Variants in CYTIP observed in about 807,000 individuals in gnomAD.
The protein encoded by CYTIP is cytohesin-interacting protein.
A neutral mutation model predicts 43.8 loss-of-function variants in CYTIP; 26 were observed. The observed-to-expected ratio is 0.59, with a 90% confidence interval of 0.44 to 0.82. The LOEUF (loss-of-function observed/expected upper bound fraction) is 0.82. Ranked by LOEUF, CYTIP falls within the 40% of genes least tolerant of loss-of-function variation. The pLI is 0.00. For synonymous variants in CYTIP, 162 were observed against 162.9 expected, an observed-to-expected ratio of 0.99 and a Z score of 0.04; for missense variants, 426 against 443.1, an observed-to-expected ratio of 0.96 and a Z score of 0.35.
rs34234589 is a variant in CYTIP at position 157,415,956 on chromosome 2, C to T, written c.801G>A (p.Glu267=). Residue 267 remains glutamate (E), a synonymous_variant, in exon 8 of 8, where the codon GAG becomes GAA. Coordinates refer to ENST00000264192, the MANE Select transcript of CYTIP (RefSeq NM_004288.5). ...SEDGYQTCVS[E]DSSRGAFSRQ... is the part of the protein sequence containing the mutation. The stretch of plus-strand genomic sequence containing the variant: ...GACTGAAGGCACCCCTGCTGGAGTC[C>T]TCAGACACACACGTCTGGTAGCCAT... 5.9e-4 allele frequency: 957 copies of T among 1,614,230 alleles called. 6 individuals carry two copies. The African/African-American group carries it at 0.011, about 19-fold the overall frequency.
intron 3 of CYTIP, chr2:157,434,019 C>CA (rs1558940618): frequency 3.5e-6 from 1 of 287,018 alleles, no homozygotes; most frequent in African/African-American, 2.3e-5. Flanking sequence ...TATGATTATA[C>CA]AAAACACATG....
chr2:157,443,456 T>A, intron 1 of CYTIP, among the ~76,000 whole-genome samples: 1 of 152,170 alleles, frequency 6.6e-6, no homozygotes, highest in East Asian at 1.9e-4. Context: ...GATTATGAAC[T>A]GAAATGACCA....
intron 1 of CYTIP, among the ~76,000 whole-genome samples, chr2:157,435,608 G>A (rs560890051): frequency 6.6e-6 from 1 of 152,244 alleles, no homozygotes; most frequent in Non-Finnish European, 1.5e-5. Flanking sequence ...AATTGCAGCA[G>A]GTTTTTGTGT....
intron 6 of CYTIP, among the ~76,000 whole-genome samples, chr2:157,425,778 A>G (rs1573856751): frequency 1.3e-5 from 2 of 152,260 alleles, no homozygotes; most frequent in East Asian, 1.9e-4. Context: ...TTTCTTTTGC[A>G]AAAACAAATT....
At chr2:157,423,092 A>G (rs1685549391) in intron 6 of CYTIP, among the ~76,000 whole-genome samples, 1 of 152,098 alleles carries the variant, frequency 6.6e-6, no homozygotes, top group South Asian at 2.1e-4. Flanking sequence ...CCAAAGCTAA[A>G]GAAAGTCTTT....
chr2:157,428,212 T>C (rs976065544), intron 5 of CYTIP, among the ~76,000 whole-genome samples: 2 of 152,218 alleles, frequency 1.3e-5, no homozygotes, highest in Non-Finnish European at 2.9e-5. Context: ...AATCTGAATA[T>C]GATTTAAAAA....
chr2:157,437,710 GA>G lies in CYTIP; in HGVS notation c.175-2964del, dbSNP rs796144299. 5.1e-4 allele frequency among the ~76,000 whole-genome samples: 46 copies of G among 90,728 alleles called. No individual in the cohort carries two copies. The South Asian group carries it at 0.014, about 28-fold the overall frequency. 59.5% of individuals were successfully genotyped at this position (90,728 alleles called of 152,430 possible). A position where few individuals can be genotyped will look rare whatever the true frequency, so the allele number is the denominator to read the frequency against. On this transcript the variant is annotated intron_variant, in intron 1 of 7. Coordinates refer to ENST00000264192, the MANE Select transcript of CYTIP (RefSeq NM_004288.5). ...TGAGACTCCATCTCAAAAAAAAAAA[GA>G]AAAAAAAAAAAGAAAGGAAGAAAAA... is the stretch of plus-strand genomic sequence containing the variant.
In CYTIP at chr2:157,430,601, T is replaced by A. The variant is rs148810128; in HGVS notation, c.434A>T (p.Lys145Ile). 17 of 1,614,236 alleles carry A rather than the reference T, an allele frequency of 1.1e-5. No homozygotes were observed. Among genetic ancestry groups the A allele is most frequent in the Non-Finnish European group, 1.4e-5 (17 of 1,180,024 alleles). Residue 145 changes from lysine to isoleucine, a missense_variant, in exon 5 of 8, where the codon AAA (lysine) becomes ATA (isoleucine). By Grantham distance (102) the Lys-to-Ile change is moderately radical. Transcript: ENST00000264192. ...CGATCTGATCAGGTCAACGACTTGT[T>A]TGTAGGTAAAACCTTCTGTGCTCAC... ...NGVSTEGFTY[K>I]QVVDLIRSSG...
intron 2 of CYTIP, 38 bp from the exon 3 acceptor site, chr2:157,434,462 A>C (rs1056210448): frequency 1.8e-5 from 26 of 1,472,982 alleles, no homozygotes; most frequent in African/African-American, 2.8e-5. Context: ...CTGCATGAAA[A>C]TTAAAGTATC....
intron 1 of CYTIP, among the ~76,000 whole-genome samples, chr2:157,441,722 G>A (rs910033759): frequency 1.3e-5 from 2 of 151,654 alleles, no homozygotes; most frequent in African/African-American, 2.4e-5. Flanking sequence ...TTCAGTTCAC[G>A]CTATCTTCAC....
chr2:157,438,453 G>A (rs1685849188), intron 1 of CYTIP, among the ~76,000 whole-genome samples: 1 of 152,170 alleles, frequency 6.6e-6, no homozygotes, highest in Non-Finnish European at 1.5e-5. Flanking sequence ...ATAAGTTCTA[G>A]TGCTCTATAC....
At chr2:157,434,845 TCTCTCACACACACACACACACA>T (rs1319873283) in intron 1 of CYTIP, 98 bp from the exon 2 acceptor site, 3 of 263,740 alleles carry the variant, frequency 1.1e-5, no homozygotes, top group Non-Finnish European at 2.2e-5. Context: ...TCTCTCTCTC[TCTCTCACACACACACACACACA>T]CACACACACA....
chr2:157,436,373 T>G (rs1218616200), intron 1 of CYTIP, among the ~76,000 whole-genome samples: 1 of 152,182 alleles, frequency 6.6e-6, no homozygotes, highest in African/African-American at 2.4e-5. Context: ...AGTCTCTCCC[T>G]TATATTGTAC....
At chr2:157,417,693 A>AT (rs201641976) in intron 7 of CYTIP, among the ~76,000 whole-genome samples, 4 of 151,780 alleles carry the variant, frequency 2.6e-5, no homozygotes, top group African/African-American at 9.7e-5. Flanking sequence ...AAACACTTCA[A>AT]TTTAAAAAAA....
chr2:157,439,367 T>TTCCCAGGGTTC (rs930786193), intron 1 of CYTIP: 6 of 152,236 alleles, frequency 3.9e-5, no homozygotes, highest in African/African-American at 1.4e-4. Flanking sequence ...GAAAGGAATG[T>TTCCCAGGGTTC]TCCCAGGGTT....
intron 1 of CYTIP, chr2:157,438,912 T>C (rs1299345283): frequency 9.8e-6 from 4 of 408,308 alleles, no homozygotes; most frequent in Admixed American, 5.4e-5. Flanking sequence ...TCAGTGCATC[T>C]ATTAGGAACT....
At chr2:157,419,092 G>A (rs1329802824) in intron 6 of CYTIP, among the ~76,000 whole-genome samples, 2 of 152,052 alleles carry the variant, frequency 1.3e-5, no homozygotes, top group Non-Finnish European at 2.9e-5. Flanking sequence ...TCCACCTCCC[G>A]GGTTCAAGCA....
intron 7 of CYTIP, among the ~76,000 whole-genome samples, chr2:157,417,567 T>A (rs987963480): frequency 6.6e-6 from 1 of 152,164 alleles, no homozygotes; most frequent in Non-Finnish European, 1.5e-5. Flanking sequence ...AAGAAGTTTT[T>A]GTATTAAATA....
intron 3 of CYTIP, among the ~76,000 whole-genome samples, chr2:157,431,331 T>C (rs1685711998): frequency 6.6e-6 from 1 of 152,224 alleles, no homozygotes; most frequent in Non-Finnish European, 1.5e-5. Context: ...TAAGTGGTTC[T>C]CCCAAGCTAA....
Sources: allele counts gnomAD v4.1 joint callset (sites outside exome capture counted in the v4.1 genomes callset), GRCh38; gene constraint gnomAD v4.1.1; transcripts MANE v1.5; gene names NCBI Gene and HGNC (gene_info 2026-07-23, HGNC 2026-07-21).